RAB11FIP5: variants seen among roughly 807,000 people sequenced by gnomAD.
RAB11FIP5 encodes rab11 family-interacting protein 5.
Under a neutral mutation model 85.1 loss-of-function variants are expected in RAB11FIP5, and 48 were observed. That is an observed-to-expected ratio of 0.56 (90% CI 0.45 to 0.72). RAB11FIP5 has a LOEUF of 0.72. Ranked by LOEUF, RAB11FIP5 falls within the 30% of genes least tolerant of loss-of-function variation. RAB11FIP5 has a pLI of 0.00. For synonymous variants in RAB11FIP5, 729 were observed against 727.3 expected (o/e 1.00, Z -0.04); for missense variants, 1,491 against 1,687.0 (o/e 0.88, Z 2.04).
chr2:73,098,720 C>G (rs565199819), intron 1 of RAB11FIP5, among the ~76,000 whole-genome samples: 1 of 152,172 alleles, frequency 6.6e-6, no homozygotes, highest in African/African-American at 2.4e-5. Context: ...AATAAAGTCA[C>G]CCCCCTATTT....
chr2:73,099,083 CTTG>C (rs1428985810), intron 1 of RAB11FIP5, among the ~76,000 whole-genome samples: 1 of 93,384 alleles, frequency 1.1e-5, no homozygotes, highest in Non-Finnish European at 2.1e-5. Flanking sequence ...GAGTTTTGCT[CTTG>C]TTGTCCAGGC....
In RAB11FIP5 at chr2:73,075,239, G is replaced by A. The variant is rs1683828133; in HGVS notation, c.*282C>T. 1.5e-6 allele frequency: 1 copy of A among 682,874 alleles called. No individual in the cohort carries two copies. Among genetic ancestry groups the A allele is most frequent in the Non-Finnish European group, 2.7e-6 (1 of 372,566 alleles). 42.3% of individuals were successfully genotyped at this position (682,874 alleles called of 1,614,324 possible). A position where few individuals can be genotyped will look rare whatever the true frequency, so the allele number is the denominator to read the frequency against. ...ACCCCTGCTCTGTCTTGGGGGAAGA[G>A]TTCCAATTCCCTGGGGCCCCCAAAG... On this transcript the variant is annotated 3_prime_UTR_variant, in exon 6 of 6. Coordinates refer to ENST00000486777, the MANE Select transcript of RAB11FIP5 (RefSeq NM_001371272.1). This position sits in a 1 kb window ranked among gnomAD's most constrained non-coding sequence, Gnocchi z 4.6.
Position 73,081,150 on chromosome 2 carries a change from A to G in RAB11FIP5, c.2082T>C (p.Ala694=). The change falls in exon 4 of 6, where the codon GCT becomes GCC. Residue 694 remains alanine (A), a synonymous_variant. Coordinates refer to ENST00000486777, the MANE Select transcript of RAB11FIP5 (RefSeq NM_001371272.1). The surrounding 1 kb of genome is among the most constrained non-coding windows in gnomAD (Gnocchi z 4.2). ...PGPGAMTAKA[A]EPQGEPGGGG... ...CTCCCCCAGGCTCTCCCTGGGGCTC[A>G]GCTGCCTTCGCAGTCATGGCCCCAG... 8.1e-7 allele frequency: 1 copy of G among 1,232,834 alleles called. No homozygotes were observed. Among genetic ancestry groups the G allele is most frequent in the Non-Finnish European group, 1.0e-6 (1 of 988,708 alleles). 76.4% of individuals were successfully genotyped at this position (1,232,834 alleles called of 1,614,324 possible).
Position 73,089,408 on chromosome 2 carries a change from T to A in RAB11FIP5, c.432-93A>T. 7.6e-7 allele frequency: 1 copy of A among 1,322,760 alleles called. No individual in the cohort carries two copies. The highest frequency in any genetic ancestry group is 1.1e-6 in the Non-Finnish European group (1 of 926,986). The allele number at this position is 1,322,760 out of a possible 1,614,324, so 81.9% of individuals were successfully genotyped here. On this transcript the variant is annotated intron_variant, in intron 1 of 5. Transcript: ENST00000486777. This position sits in a 1 kb window ranked among gnomAD's most constrained non-coding sequence, Gnocchi z 4.6. ...AGGCACTGCCCAGACCCCTCCTTGC[T>A]CTGAGAGCCACTGATAGCCTCTCCC...
intron 4 of RAB11FIP5, among the ~76,000 whole-genome samples, chr2:73,079,165 C>A (rs914543263): frequency 6.6e-6 from 1 of 152,216 alleles, no homozygotes; most frequent in Non-Finnish European, 1.5e-5. Flanking sequence ...CCTTCCCCAG[C>A]CTGCACCCTC....
At chr2:73,110,239 T>C (rs1338650952) in intron 1 of RAB11FIP5, among the ~76,000 whole-genome samples, 1 of 152,232 alleles carries the variant, frequency 6.6e-6, no homozygotes, top group Non-Finnish European at 1.5e-5. Flanking sequence ...CACCCTGGTC[T>C]TCTCTGCCTT....
chr2:73,110,002 T>G (rs767952995), intron 1 of RAB11FIP5, among the ~76,000 whole-genome samples: 5 of 152,184 alleles, frequency 3.3e-5, no homozygotes, highest in Non-Finnish European at 7.4e-5. Context: ...ACGTGAAAAC[T>G]GAGGCACCAA....
chr2:73,100,849 G>T (rs1398176225), intron 1 of RAB11FIP5, among the ~76,000 whole-genome samples: 2 of 151,798 alleles, frequency 1.3e-5, no homozygotes. Context: ...CTGTTGCCCA[G>T]GCTGGAGTGC....
At chr2:73,109,624 C>T (rs1236818569) in intron 1 of RAB11FIP5, among the ~76,000 whole-genome samples, 1 of 152,142 alleles carries the variant, frequency 6.6e-6, no homozygotes, top group Non-Finnish European at 1.5e-5. Flanking sequence ...TGCAGAGCTG[C>T]GGGCTTATCT....
At chr2:73,084,616 C>G (rs1340764117) in intron 3 of RAB11FIP5, among the ~76,000 whole-genome samples, 1 of 152,226 alleles carries the variant, frequency 6.6e-6, no homozygotes, top group Non-Finnish European at 1.5e-5. Flanking sequence ...TGCCACTCAA[C>G]ACAGGAACCA....
rs1018244205 is a variant in RAB11FIP5, at chr2:73,088,663, G to A, written c.955C>T (p.Arg319Trp). 1.9e-5 allele frequency: 30 copies of A among 1,613,022 alleles called. No individual in the cohort carries two copies. Among genetic ancestry groups the A allele is most frequent in the East Asian group, 2.2e-5 (1 of 44,898 alleles). ...TGGCCCTGAAGGTCCAGAAGGGCCC[G>A]AGGAGGAGCCACTCGCATCTGGTTG... ...EANQMRVAPP[R>W]ALLDLQGHLD... The change falls in exon 3 of 6, where the codon CGG (arginine) becomes TGG (tryptophan). Residue 319 changes from arginine (R) to tryptophan (W), a missense_variant. By Grantham distance (101) the Arg-to-Trp change is moderately radical. This residue lies in a region of RAB11FIP5 where 1,211 missense variants were observed against 1,338.0 expected (regional missense o/e 0.91). Coordinates refer to ENST00000486777, the MANE Select transcript of RAB11FIP5 (RefSeq NM_001371272.1).
In RAB11FIP5 at chr2:73,079,884, G is replaced by A. The variant is rs890092271; in HGVS notation, c.3348C>T (p.His1116=). 4.8e-5 allele frequency: 59 copies of A among 1,232,380 alleles called. No individual in the cohort carries two copies. In the African/African-American group the frequency reaches 8.8e-4, roughly 18 times the overall value. 76.3% of individuals were successfully genotyped at this position (1,232,380 alleles called of 1,614,324 possible). Residue 1116 remains histidine, a synonymous_variant, in exon 4 of 6, where the codon CAC becomes CAT. Transcript: ENST00000486777. The part of the protein sequence containing the change: ...PPPPLPPWAS[H]HRGGPSPPCS... The stretch of plus-strand genomic sequence containing the variant: ...ATGGAGGGCTGGGCCCCCCACGGTG[G>A]TGGCTGGCCCAAGGCGGGAGAGGGG...
Position 73,075,762 on chromosome 2 carries a change from A to AGGCCTGCCTGCCTGCCTGCCCGCTTGCC in RAB11FIP5, c.3772-66_3772-39dup. 6.8e-7 allele frequency: 1 copy of AGGCCTGCCTGCCTGCCTGCCCGCTTGCC among 1,469,672 alleles called. No homozygotes were observed. The allele number at this position is 1,469,672 out of a possible 1,614,324, so 91.0% of individuals were successfully genotyped here. On this transcript the variant is annotated intron_variant, in intron 5 of 5. Transcript: ENST00000486777. This position sits in a 1 kb window ranked among gnomAD's most constrained non-coding sequence, Gnocchi z 4.6. ...CGAAGACAGTGAGCAGGGCAGCCCT[A>AGGCCTGCCTGCCTGCCTGCCCGCTTGCC]GGCCTGCCTGCCTGCCTGCCCGCTT...
chr2:73,079,536 C>G, intron 4 of RAB11FIP5, 115 bp downstream of exon 4: 5 of 1,193,358 alleles, frequency 4.2e-6, no homozygotes, highest in Non-Finnish European at 5.2e-6. Flanking sequence ...TAAAAGAGAC[C>G]CTCACCTGCC....
chr2:73,081,407 A>T lies in RAB11FIP5; in HGVS notation c.1825T>A (p.Phe609Ile), dbSNP rs1171228617. Residue 609 changes from phenylalanine to isoleucine, a missense_variant, in exon 4 of 6, where the codon TTC (phenylalanine) becomes ATC (isoleucine). Around this residue, in one of 3 missense-constraint regions of RAB11FIP5, gnomAD observed 1,211 missense variants for 1,338.0 expected, o/e 0.91. Transcript: ENST00000486777. The surrounding 1 kb of genome is among the most constrained non-coding windows in gnomAD (Gnocchi z 4.2). ...FLTSLQSNPF[F>I]EELIADIALN... is the part of the protein sequence containing the mutation. ...GCTATGTCGGCTATGAGCTCCTCGA[A>T]GAAGGGGTTGCTCTGCAAAGAGGTG... is the stretch of plus-strand genomic sequence containing the variant. The T allele has an allele frequency of 1.6e-6, 2 of 1,232,464 alleles. No homozygotes were observed. Among genetic ancestry groups the T allele is most frequent in the African/African-American group, 3.1e-5 (2 of 64,398 alleles). The allele number at this position is 1,232,464 out of a possible 1,614,324, so 76.3% of individuals were successfully genotyped here. A position where few individuals can be genotyped will look rare whatever the true frequency, so the allele number is the denominator to read the frequency against.
At chr2:73,082,858 T>A (rs1046764172) in intron 3 of RAB11FIP5, among the ~76,000 whole-genome samples, 1 of 152,130 alleles carries the variant, frequency 6.6e-6, no homozygotes, top group Non-Finnish European at 1.5e-5. Context: ...GCTTCTCACT[T>A]CCCTAGGACC....
rs58907775 is a variant in RAB11FIP5, at chr2:73,089,882, T to TACACAC, written c.432-573_432-568dup. Among the ~76,000 whole-genome samples the TACACAC allele has an allele frequency of 3.0e-3, 439 of 148,236 alleles. No individual in the cohort carries two copies. The highest frequency in any genetic ancestry group is 8.3e-3 in the African/African-American group (336 of 40,264). On this transcript the variant is annotated intron_variant, in intron 1 of 5. Transcript: ENST00000486777. This position sits in a 1 kb window ranked among gnomAD's most constrained non-coding sequence, Gnocchi z 4.6. ...GCTAGTGCATACACTCATGTATGTA[T>TACACAC]ACACACACACACACACACACACACA...
intron 1 of RAB11FIP5, among the ~76,000 whole-genome samples, chr2:73,108,901 G>C (rs1264583701): frequency 1.3e-5 from 2 of 152,122 alleles, no homozygotes; most frequent in Non-Finnish European, 2.9e-5. Context: ...AAAATTAGCT[G>C]GGTGTGGTGG....
chr2:73,111,177 A>G (rs1195228558), intron 1 of RAB11FIP5, among the ~76,000 whole-genome samples: 2 of 152,092 alleles, frequency 1.3e-5, no homozygotes, highest in African/African-American at 4.8e-5. Flanking sequence ...CCCAGACCAC[A>G]GAGAGCCAGC....
Sources: gnomAD v4.1 joint callset for allele counts (sites outside exome capture counted in the v4.1 genomes callset) on GRCh38, gnomAD v4.1.1 for gene constraint, gnomAD v4.1.1 regional missense constraint, Gnocchi (gnomAD v3.1) non-coding constraint, MANE v1.5 for transcripts, NCBI Gene and HGNC (gene_info 2026-07-23, HGNC 2026-07-21) for gene names.